TF: variants seen among roughly 807,000 people sequenced by gnomAD.
The protein encoded by TF is transferrin.
TF carries 55 observed loss-of-function variants against 82.4 expected under a neutral mutation model. The ratio of observed to expected loss-of-function variants is 0.67; its 90% CI spans 0.54 to 0.84. The LOEUF is 0.84. Among genes scored for constraint, TF ranks in the 40% least tolerant of loss-of-function variants. The pLI, the probability that TF is intolerant of heterozygous loss-of-function variation, is 0.00. For synonymous variants in TF, 332 were observed against 332.6 expected (o/e 1.00, Z 0.02); for missense variants, 737 against 868.4 (o/e 0.85, Z 1.90).
the TF span, among the ~76,000 whole-genome samples, chr3:133,713,850 G>C: frequency 6.6e-6 from 1 of 152,066 alleles, no homozygotes; most frequent in Non-Finnish European, 1.5e-5. Flanking sequence ...GGTATGGGGG[G>C]TACCAAGTCC....
chr3:133,748,135 G>T (rs1337981495), intron 1 of TF: 4 of 507,658 alleles, frequency 7.9e-6, no homozygotes, highest in African/African-American at 7.7e-5. Flanking sequence ...CGGATACAGA[G>T]GAGCAGATTG....
At chr3:133,746,086 G>T (rs1323272079), upstream of TF, 5 of 433,768 alleles carry the variant, frequency 1.2e-5, no homozygotes, top group African/African-American at 1.0e-4. Context: ...TGCAGCCCTG[G>T]AGTCAGGAGC....
chr3:133,745,741 T>C (rs1209746585), upstream of TF, among the ~76,000 whole-genome samples: 1 of 152,166 alleles, frequency 6.6e-6, no homozygotes, highest in Non-Finnish European at 1.5e-5. Context: ...ACTCTGTCCC[T>C]AGTCTAAGGT....
intron 9 of TF, chr3:133,761,329 T>C (rs1418130844): frequency 1.9e-5 from 3 of 161,286 alleles, no homozygotes. Flanking sequence ...CCTGCTTGGC[T>C]CCTCTTCACC....
At chr3:133,771,463 C>T (rs200591045) in intron 14 of TF, among the ~76,000 whole-genome samples, 44 of 152,238 alleles carry the variant, frequency 2.9e-4, no homozygotes, top group African/African-American at 7.7e-4. Flanking sequence ...TTAAGCCGGG[C>T]GCAGTGGCTC....
the TF span, among the ~76,000 whole-genome samples, chr3:133,706,586 G>GT: frequency 6.6e-6 from 1 of 152,180 alleles, no homozygotes; most frequent in Admixed American, 6.5e-5. Flanking sequence ...AGCAATCTAT[G>GT]TTTTAACAAA....
At chr3:133,746,350 A>C, upstream of TF, 2 of 1,451,544 alleles carry the variant, frequency 1.4e-6, no homozygotes, top group Non-Finnish European at 1.9e-6. Context: ...CAGCCCGCCC[A>C]GGCCGGGAAT....
chr3:133,694,850 T>TTTTATTTATTTA, the TF span, among the ~76,000 whole-genome samples: 1 of 146,984 alleles, frequency 6.8e-6, no homozygotes, highest in African/African-American at 2.5e-5. Flanking sequence ...AAGCCTTTAG[T>TTTTATTTATTTA]TTTATTTATT....
At position 133,756,822 on chromosome 3, in the gene TF, C is replaced by T. The variant is rs1933847622; in HGVS notation, c.692-9C>T. 6.2e-7 allele frequency: 1 copy of T among 1,614,050 alleles called. No individual in the cohort carries two copies. The highest frequency in any genetic ancestry group is 1.3e-5 in the African/African-American group (1 of 74,918). On this transcript the variant is annotated splice_polypyrimidine_tract_variant and intron_variant, in intron 6 of 16. Transcript: ENST00000402696. ...CTGTGTTAAGCTCACCTGGGCTTTC[C>T]CTCCCCAGAGAACTTGGCAAACAAG...
chr3:133,699,297 C>A, the TF span: 13,155 of 382,100 alleles, frequency 0.034, 630 homozygotes, highest in African/African-American at 0.15. Flanking sequence ...GGCCTCTAGT[C>A]CTTATCTGTA....
At chr3:133,767,667 A>G (rs1934159465) in intron 12 of TF, among the ~76,000 whole-genome samples, 1 of 152,228 alleles carries the variant, frequency 6.6e-6, no homozygotes. Context: ...ATGGCAGGGA[A>G]TGGGGACATC....
intron 7 of TF, 95 bp from the exon 8 acceptor site, chr3:133,757,674 G>A (rs1374633512): frequency 7.8e-7 from 1 of 1,277,124 alleles, no homozygotes; most frequent in Non-Finnish European, 1.1e-6. Context: ...ACTTTTTCAT[G>A]TTGTTTCCTG....
chr3:133,753,859 C>T (rs1933744992), intron 3 of TF, 156 bp downstream of exon 3: 1 of 721,352 alleles, frequency 1.4e-6, no homozygotes, highest in Non-Finnish European at 2.5e-6. Flanking sequence ...GCCACAGCCA[C>T]ACATCAAGGC....
the TF span, among the ~76,000 whole-genome samples, chr3:133,710,684 A>G: frequency 1.3e-5 from 2 of 151,858 alleles, no homozygotes; most frequent in South Asian, 2.1e-4. Context: ...GGTCACTCCC[A>G]TGTTCCCTTC....
the TF span, among the ~76,000 whole-genome samples, chr3:133,714,175 G>A: frequency 6.6e-6 from 1 of 152,150 alleles, no homozygotes; most frequent in Non-Finnish European, 1.5e-5. Context: ...CTGTGTGGAG[G>A]CCAGAGAAGA....
At chr3:133,724,339 A>G in the TF span, among the ~76,000 whole-genome samples, 1 of 152,152 alleles carries the variant, frequency 6.6e-6, no homozygotes, top group East Asian at 1.9e-4. Flanking sequence ...CTTTTTAATG[A>G]TCACCATTCT....
the TF span, among the ~76,000 whole-genome samples, chr3:133,683,385 T>C: frequency 6.6e-6 from 1 of 152,130 alleles, no homozygotes. Context: ...GGCTAAATGC[T>C]CCAATTAAAA....
chr3:133,723,098 A>G, the TF span, among the ~76,000 whole-genome samples: 1 of 152,060 alleles, frequency 6.6e-6, no homozygotes, highest in Non-Finnish European at 1.5e-5. Flanking sequence ...TGAATATGTC[A>G]TGCCATTCTC....
chr3:133,719,425 G>A, the TF span, among the ~76,000 whole-genome samples: 1 of 152,156 alleles, frequency 6.6e-6, no homozygotes, highest in Non-Finnish European at 1.5e-5. Flanking sequence ...CAGGGATTGT[G>A]TGGGCATTGC....
Sources: allele counts gnomAD v4.1 joint callset (sites outside exome capture counted in the v4.1 genomes callset), GRCh38; gene constraint gnomAD v4.1.1; transcripts MANE v1.5; gene names NCBI Gene and HGNC (gene_info 2026-07-23, HGNC 2026-07-21).